Variants in XKRX observed in about 807,000 individuals in gnomAD.
The protein encoded by XKRX is XK-related protein 2.
A neutral mutation model predicts 22.4 loss-of-function variants in XKRX; 11 were observed. That is an observed-to-expected ratio of 0.49 (90% CI 0.31 to 0.81). The LOEUF (loss-of-function observed/expected upper bound fraction) is 0.81, where lower values mean the gene tolerates loss of function less well. XKRX is among the 40% of genes least tolerant of loss of function. The pLI is 0.05. For missense variants in XKRX, 320 were observed against 336.5 expected (o/e 0.95, Z 0.38); for synonymous variants, 114 against 132.2 (o/e 0.86, Z 0.94).
chrX:100,957,271 G>T, the XKRX span: 2 of 992,127 alleles, frequency 2.0e-6, no homozygotes, highest in Non-Finnish European at 2.9e-6. Context: ...GAAGTGAAAG[G>T]TTGGGGTGGA....
chrX:100,943,697 C>G, the XKRX span, among the ~76,000 whole-genome samples: 21 of 112,226 alleles, frequency 1.9e-4, no homozygotes, highest in Non-Finnish European at 2.4e-4. Flanking sequence ...AGCCACCGTG[C>G]CTGGCCAACA....
upstream of XKRX, among the ~76,000 whole-genome samples, chrX:100,934,331 G>A (rs964291603): frequency 7.2e-5 from 8 of 111,764 alleles, no homozygotes; most frequent in Admixed American, 7.6e-4. Context: ...GGGACTGGCA[G>A]GTCTGAAACT....
At chrX:100,908,813 C>T (rs1444932089), downstream of XKRX, among the ~76,000 whole-genome samples, 1 of 107,672 alleles carries the variant, frequency 9.3e-6, no homozygotes, top group Non-Finnish European at 1.9e-5. Context: ...GCCCCACCCC[C>T]ACCCTGGAAC....
the XKRX span, among the ~76,000 whole-genome samples, chrX:100,955,146 A>C: frequency 8.9e-6 from 1 of 111,824 alleles, no homozygotes; most frequent in Non-Finnish European, 1.9e-5. Flanking sequence ...ACAGGAAAAG[A>C]AAAAAAATTG....
chrX:100,923,825 TTTTC>T (rs1174571889), intron 1 of XKRX, among the ~76,000 whole-genome samples: 43 of 101,626 alleles, frequency 4.2e-4, no homozygotes, highest in African/African-American at 1.2e-3. Context: ...TGCTTTTTCT[TTTTC>T]TTTCTTTCTT....
chrX:100,949,103 C>T, the XKRX span, among the ~76,000 whole-genome samples: 8 of 112,445 alleles, frequency 7.1e-5, no homozygotes, highest in Non-Finnish European at 9.4e-5. Context: ...GGGAGCAGAA[C>T]TTACAATCTC....
At chrX:100,957,272 T>C in the XKRX span, 17 of 990,021 alleles carry the variant, frequency 1.7e-5, no homozygotes, top group African/African-American at 7.6e-5. Context: ...AAGTGAAAGG[T>C]TGGGGTGGAG....
the XKRX span, among the ~76,000 whole-genome samples, chrX:100,937,070 C>T: frequency 9.2e-6 from 1 of 108,362 alleles, no homozygotes; most frequent in Non-Finnish European, 1.9e-5. Flanking sequence ...CTGCTCACCG[C>T]AGCCTCTGCC....
At chrX:100,906,824 G>C in the XKRX span, among the ~76,000 whole-genome samples, 1 of 111,610 alleles carries the variant, frequency 9.0e-6, no homozygotes, top group Non-Finnish European at 1.9e-5. Flanking sequence ...TCCAGCTTCT[G>C]AAGCTGCTTT....
At chrX:100,901,807 C>T in the XKRX span, among the ~76,000 whole-genome samples, 2 of 110,473 alleles carry the variant, frequency 1.8e-5, no homozygotes, top group East Asian at 2.8e-4. Context: ...CAAGACTAGC[C>T]GGACCAACAT....
chrX:100,902,417 C>T, the XKRX span, among the ~76,000 whole-genome samples: 11 of 111,550 alleles, frequency 9.9e-5, no homozygotes, highest in Non-Finnish European at 1.9e-4. Flanking sequence ...CCAGCATTAC[C>T]GTAATACCAA....
At chrX:100,898,974 A>T in the XKRX span, among the ~76,000 whole-genome samples, 4 of 111,380 alleles carry the variant, frequency 3.6e-5, no homozygotes, top group African/African-American at 1.3e-4. Context: ...AAAAGTCACT[A>T]AACAAACAAC....
chrX:100,914,445 T>C lies in XKRX; in HGVS notation c.1243A>G (p.Asn415Asp). Residue 415 changes from asparagine (N) to aspartate (D), a missense_variant, in exon 3 of 3, where the codon AAT (asparagine) becomes GAT (aspartate). Asn to Asp is a conservative substitution (Grantham distance 23). Coordinates refer to ENST00000372956, the MANE Select transcript of XKRX (RefSeq NM_212559.3). ...ACACAATGGAGGTAGTCTACTACAT[T>C]ATGGGTGAAGAGTGAGCGCAATGGA... Reference protein sequence around the residue: ...LHPLRSLFTHNVVDYLHCVCC... With the variant: ...LHPLRSLFTHDVVDYLHCVCC... The C allele has an allele frequency of 8.3e-7, 1 of 1,211,877 alleles. No homozygotes were observed.
the XKRX span, among the ~76,000 whole-genome samples, chrX:100,945,526 A>G: frequency 1.8e-5 from 2 of 112,021 alleles, no homozygotes; most frequent in Non-Finnish European, 3.8e-5. Context: ...ATTTCTAACA[A>G]GCTCTCCAAT....
rs377473387 is a variant in XKRX at position 100,921,281 on chromosome X, G to A, written c.604+1512C>T. ...TTGAACTCCCAACTTCAAGTGATCCGCCTGTCTTGGCCTCCCAAAGTGTTA... is the reference window on the plus strand; with the variant it reads ...TTGAACTCCCAACTTCAAGTGATCCACCTGTCTTGGCCTCCCAAAGTGTTA... On this transcript the variant is annotated intron_variant, in intron 2 of 2. Transcript: ENST00000372956. 1.4e-4 allele frequency among the ~76,000 whole-genome samples: 16 copies of A among 111,338 alleles called. No individual in the cohort carries two copies. The East Asian group carries it at 3.9e-3, about 27-fold the overall frequency.
At chrX:100,915,248 C>T (rs2085428348) in intron 2 of XKRX, among the ~76,000 whole-genome samples, 165 bp from the exon 3 acceptor site, 1 of 111,407 alleles carries the variant, frequency 9.0e-6, no homozygotes, top group Non-Finnish European at 1.9e-5. Flanking sequence ...ATAGCATGCA[C>T]TTGAATAGAC....
chrX:100,928,121 T>C lies in XKRX; in HGVS notation c.184A>G (p.Ser62Gly). 1.7e-6 allele frequency: 2 copies of C among 1,211,745 alleles called. No homozygotes were observed. Among genetic ancestry groups the C allele is most frequent in the Non-Finnish European group, 2.2e-6 (2 of 895,510 alleles). Residue 62 changes from serine to glycine, a missense_variant, in exon 1 of 3, where the codon AGT becomes GGT. By Grantham distance (56) the Ser-to-Gly change is moderately conservative. Transcript: ENST00000372956. ...LYMVRIYRKNSETYWMTYTFS... is the reference protein window; with the variant it reads ...LYMVRIYRKNGETYWMTYTFS... ...GTGTATGTCATCCAGTAAGTTTCACTATTCTTTCGATAGATTCTAACCATG... is the reference window on the plus strand; with the variant it reads ...GTGTATGTCATCCAGTAAGTTTCACCATTCTTTCGATAGATTCTAACCATG...
At chrX:100,925,845 T>C (rs2085495537) in intron 1 of XKRX, among the ~76,000 whole-genome samples, 1 of 112,001 alleles carries the variant, frequency 8.9e-6, no homozygotes, top group African/African-American at 3.2e-5. Flanking sequence ...CCAACAGATA[T>C]GGTTTGGTCC....
At chrX:100,928,963 C>T, upstream of XKRX, 1 of 464,737 alleles carries the variant, frequency 2.2e-6, no homozygotes, top group Non-Finnish European at 2.7e-6. Context: ...CCCCCAAGCC[C>T]CGCCCCCAAG....
Sources: gnomAD v4.1 joint callset for allele counts (sites outside exome capture counted in the v4.1 genomes callset) on GRCh38, gnomAD v4.1.1 for gene constraint, MANE v1.5 for transcripts, NCBI Gene and HGNC (gene_info 2026-07-23, HGNC 2026-07-21) for gene names.